Variants in MAPK6 observed in about 807,000 individuals in gnomAD.
MAPK6 encodes ERK-3.
In MAPK6, 19 loss-of-function variants were observed where a neutral mutation model predicts 59.3. That is an observed-to-expected ratio of 0.32 (90% CI 0.22 to 0.47). The LOEUF is 0.47. Among genes scored for constraint, MAPK6 ranks in the 20% least tolerant of loss-of-function variants. MAPK6 has a pLI of 1.00. For synonymous variants in MAPK6, 316 were observed against 290.3 expected, an observed-to-expected ratio of 1.09 and a Z score of -0.90; for missense variants, 724 against 847.9, an observed-to-expected ratio of 0.85 and a Z score of 1.81.
intron 3 of MAPK6, among the ~76,000 whole-genome samples, chr15:52,005,523 A>T (rs1411675802): frequency 4.0e-5 from 6 of 151,540 alleles, no homozygotes; most frequent in African/African-American, 1.5e-4. Flanking sequence ...GTGACATTCC[A>T]TCTCAAAAAA....
At chr15:51,972,300 G>A (rs1202113147) in intron 1 of MAPK6, among the ~76,000 whole-genome samples, 1 of 151,964 alleles carries the variant, frequency 6.6e-6, no homozygotes, top group Admixed American at 6.5e-5. Flanking sequence ...CACCACACCC[G>A]GCTAATTTTT....
chr15:52,013,057 A>ATG (rs2030137057), intron 3 of MAPK6, among the ~76,000 whole-genome samples: 1 of 128,678 alleles, frequency 7.8e-6, no homozygotes, highest in Non-Finnish European at 1.6e-5. Context: ...ATATATATAT[A>ATG]TATTACACAA....
chr15:52,049,741 A>G (rs1057468704), intron 2 of MAPK6, among the ~76,000 whole-genome samples: 7 of 151,644 alleles, frequency 4.6e-5, no homozygotes, highest in Non-Finnish European at 7.4e-5. Context: ...CAGCCTCCCA[A>G]GTAGCTGGGT....
intron 2 of MAPK6, among the ~76,000 whole-genome samples, chr15:51,990,574 C>T (rs1194544461): frequency 6.6e-6 from 1 of 151,698 alleles, no homozygotes; most frequent in East Asian, 1.9e-4. Flanking sequence ...CCAGTGCTTT[C>T]GGAGGCCGAG....
intron 1 of MAPK6, among the ~76,000 whole-genome samples, chr15:51,975,694 T>C (rs542120654): frequency 6.6e-6 from 1 of 151,970 alleles, no homozygotes; most frequent in African/African-American, 2.4e-5. Context: ...TATGGTAAAC[T>C]GCCACTCCAC....
upstream of MAPK6, among the ~76,000 whole-genome samples, chr15:52,016,369 A>C (rs1213931281): frequency 2.0e-5 from 3 of 151,880 alleles, no homozygotes; most frequent in Non-Finnish European, 2.9e-5. Flanking sequence ...AGCCTGGATG[A>C]CAAGAGCAAA....
At chr15:52,047,639 C>G (rs2031635895) in intron 2 of MAPK6, among the ~76,000 whole-genome samples, 1 of 151,074 alleles carries the variant, frequency 6.6e-6, no homozygotes, top group Non-Finnish European at 1.5e-5. Context: ...AGCCCCCATG[C>G]CCAGCCTTTT....
intron 1 of MAPK6, among the ~76,000 whole-genome samples, chr15:52,043,920 C>A (rs1247676884): frequency 6.6e-6 from 1 of 151,578 alleles, no homozygotes; most frequent in African/African-American, 2.4e-5. Context: ...GGACTACAGG[C>A]ATGCGCCACC....
At chr15:52,021,514 G>A (rs970860773) in intron 1 of MAPK6, 2 of 152,072 alleles carry the variant, frequency 1.3e-5, no homozygotes, top group African/African-American at 4.8e-5. Flanking sequence ...ATTTTAAAAG[G>A]ATATCATATA....
intron 2 of MAPK6, among the ~76,000 whole-genome samples, chr15:51,989,842 G>A (rs1230965065): frequency 6.6e-6 from 1 of 152,068 alleles, no homozygotes; most frequent in Non-Finnish European, 1.5e-5. Context: ...GGCCTCAAGC[G>A]ATCCTCCCAC....
chr15:52,053,572 T>C (rs2031856325), intron 3 of MAPK6, among the ~76,000 whole-genome samples: 1 of 152,028 alleles, frequency 6.6e-6, no homozygotes, highest in Non-Finnish European at 1.5e-5. Flanking sequence ...CCTTTCTTTA[T>C]AGTGTCTTTT....
chr15:52,054,021 C>G (rs931512090), intron 3 of MAPK6, among the ~76,000 whole-genome samples: 27 of 152,002 alleles, frequency 1.8e-4, no homozygotes, highest in Non-Finnish European at 4.4e-5. Context: ...GAATAATTGC[C>G]TGACCCAAGG....
chr15:52,028,687 T>A (rs538282505), intron 1 of MAPK6, among the ~76,000 whole-genome samples: 165 of 152,366 alleles, frequency 1.1e-3, no homozygotes, highest in Admixed American at 2.4e-3. Flanking sequence ...ACAACACTAT[T>A]GGACAGCACT....
exon 1 of MAPK6, chr15:51,971,905 G>C (rs1566890837): frequency 2.8e-6 from 2 of 703,326 alleles, no homozygotes; most frequent in Non-Finnish European, 5.1e-6. Context: ...GTTCTCGCCT[G>C]GGTATGCATG....
chr15:52,022,659 T>G (rs935590684), intron 1 of MAPK6, among the ~76,000 whole-genome samples: 1 of 152,032 alleles, frequency 6.6e-6, no homozygotes, highest in African/African-American at 2.4e-5. Flanking sequence ...CAAAGTTTAA[T>G]TCAAACTTAA....
intron 3 of MAPK6, among the ~76,000 whole-genome samples, chr15:52,005,900 A>C (rs2057257316): frequency 6.6e-6 from 1 of 152,130 alleles, no homozygotes; most frequent in Admixed American, 6.5e-5. Flanking sequence ...TCTTACTTAA[A>C]ACTGTGATAG....
chr15:52,024,878 CTTTTT>C (rs35983896), intron 1 of MAPK6, among the ~76,000 whole-genome samples: 2 of 84,150 alleles, frequency 2.4e-5, no homozygotes, highest in African/African-American at 4.5e-5. Flanking sequence ...CATACACTGC[CTTTTT>C]TTTTTTTTTT....
At chr15:52,027,395 T>TTAG (rs2141864142) in intron 1 of MAPK6, among the ~76,000 whole-genome samples, 1 of 138,460 alleles carries the variant, frequency 7.2e-6, no homozygotes, top group African/African-American at 2.6e-5. Context: ...TAATAGGTCC[T>TTAG]TAGTAGATGT....
intron 1 of MAPK6, among the ~76,000 whole-genome samples, chr15:51,978,534 A>C (rs2057163634): frequency 6.6e-6 from 1 of 151,876 alleles, no homozygotes. Flanking sequence ...AAATGTATGA[A>C]AATTCAAACT....
Sources: gnomAD v4.1 joint callset for allele counts (sites outside exome capture counted in the v4.1 genomes callset) on GRCh38, gnomAD v4.1.1 for gene constraint, MANE v1.5 for transcripts, NCBI Gene and HGNC (gene_info 2026-07-23, HGNC 2026-07-21) for gene names.